MYZAP: variants seen among roughly 807,000 people sequenced by gnomAD.
The protein encoded by MYZAP is GRINL1A complex locus upstream.
A neutral mutation model predicts 69.4 loss-of-function variants in MYZAP; 66 were observed. The ratio of observed to expected loss-of-function variants is 0.95; its 90% confidence interval spans 0.78 to 1.17. The LOEUF is 1.17. MYZAP is among the 50% of genes most tolerant of loss of function. The pLI, the probability that MYZAP is intolerant of heterozygous loss-of-function variation, is 0.00. For missense variants in MYZAP, 611 were observed against 556.2 expected (o/e 1.10, Z -0.99); for synonymous variants, 256 against 205.9 (o/e 1.24, Z -2.09).
In MYZAP at chr15:57,684,074, G is replaced by A. The variant is rs189626561; in HGVS notation, c.1305-328G>A. On this transcript the variant is annotated intron_variant, in intron 12 of 12. Transcript: ENST00000267853. The stretch of plus-strand genomic sequence containing the variant: ...CTTCCAAAGTGCTGGGATTACAGGC[G>A]TGAGCCACCACGCTGGGCCTGGGGC... Among the ~76,000 whole-genome samples the A allele has an allele frequency of 7.5e-3, 1,147 of 152,198 alleles. 10 individuals are homozygous for A. Among genetic ancestry groups the A allele is most frequent in the South Asian group, 0.049 (238 of 4,822 alleles).
intron 10 of MYZAP, among the ~76,000 whole-genome samples, chr15:57,648,784 G>GT (rs34784139): frequency 0.01 from 1,408 of 136,276 alleles, 10 homozygotes; most frequent in East Asian, 9.2e-3. Flanking sequence ...ACTTGTTTCT[G>GT]TTTTTTTTTT....
chr15:57,670,809 T>C (rs1432968609), intron 11 of MYZAP, among the ~76,000 whole-genome samples: 2 of 152,122 alleles, frequency 1.3e-5, no homozygotes, highest in East Asian at 1.9e-4. Flanking sequence ...GTAGTATACA[T>C]CATTAGCTGT....
chr15:57,658,843 A>C (rs2038136777), intron 10 of MYZAP, among the ~76,000 whole-genome samples: 1 of 152,214 alleles, frequency 6.6e-6, no homozygotes, highest in African/African-American at 2.4e-5. Flanking sequence ...TGGATGCTTG[A>C]AGCCATTATT....
intron 10 of MYZAP, among the ~76,000 whole-genome samples, chr15:57,641,593 G>C (rs1431984188): frequency 6.6e-6 from 1 of 152,278 alleles, no homozygotes; most frequent in African/African-American, 2.4e-5. Context: ...GATGCCATCA[G>C]AGTTAGCACC....
At chr15:57,629,922 C>G in intron 6 of MYZAP, 68 bp downstream of exon 6, 4 of 1,544,242 alleles carry the variant, frequency 2.6e-6, no homozygotes, top group African/African-American at 1.4e-5. Flanking sequence ...CTTTTCTCTT[C>G]CCATCTTCAA....
chr15:57,597,743 A>G (rs2034154668), intron 1 of MYZAP, among the ~76,000 whole-genome samples: 2 of 152,222 alleles, frequency 1.3e-5, no homozygotes, highest in African/African-American at 4.8e-5. Context: ...CTCTCTACAG[A>G]AAAAGTTCGC....
At chr15:57,625,286 C>A (rs2036062493) in intron 4 of MYZAP, among the ~76,000 whole-genome samples, 1 of 152,154 alleles carries the variant, frequency 6.6e-6, no homozygotes, top group South Asian at 2.1e-4. Flanking sequence ...GTTGGCCAGG[C>A]TGGTCTCGAA....
chr15:57,639,850 G>T (rs1211353887), intron 10 of MYZAP, among the ~76,000 whole-genome samples: 2 of 152,174 alleles, frequency 1.3e-5, no homozygotes, highest in Non-Finnish European at 2.9e-5. Flanking sequence ...ACAGCTCAGG[G>T]GACCCAAGGG....
At chr15:57,609,529 G>A (rs1280213221) in intron 2 of MYZAP, among the ~76,000 whole-genome samples, 1 of 152,168 alleles carries the variant, frequency 6.6e-6, no homozygotes, top group Non-Finnish European at 1.5e-5. Flanking sequence ...GGCCCAGTCT[G>A]ATGGCTTTCT....
At chr15:57,681,882 G>A (rs966801643) in intron 12 of MYZAP, among the ~76,000 whole-genome samples, 1 of 152,148 alleles carries the variant, frequency 6.6e-6, no homozygotes. Context: ...TCTCCTGGGG[G>A]AGACATGCAA....
chr15:57,665,642 T>A (rs1311730543), intron 11 of MYZAP, among the ~76,000 whole-genome samples: 1 of 152,204 alleles, frequency 6.6e-6, no homozygotes, highest in Non-Finnish European at 1.5e-5. Flanking sequence ...CAGGACTGCA[T>A]GACATATCCA....
At chr15:57,670,113 G>A (rs911074228) in intron 11 of MYZAP, among the ~76,000 whole-genome samples, 10 of 152,002 alleles carry the variant, frequency 6.6e-5, no homozygotes, top group Admixed American at 3.9e-4. Flanking sequence ...ACAAATACCA[G>A]TTGGGTTTAG....
At chr15:57,599,845 G>A in intron 1 of MYZAP, 1 of 529,842 alleles carries the variant, frequency 1.9e-6, no homozygotes, top group Non-Finnish European at 3.3e-6. Flanking sequence ...CTTCTGTTAG[G>A]GATTCAGAGT....
intron 1 of MYZAP, among the ~76,000 whole-genome samples, chr15:57,596,691 C>T (rs1188788990): frequency 2.0e-5 from 3 of 152,200 alleles, no homozygotes; most frequent in African/African-American, 7.2e-5. Flanking sequence ...AGCATCCAGG[C>T]CCTCTGGTTT....
At chr15:57,599,438 A>AGTATGCTG (rs368231549) in intron 1 of MYZAP, 169 of 1,152,988 alleles carry the variant, frequency 1.5e-4, no homozygotes, top group African/African-American at 1.3e-3. Flanking sequence ...TGAGTAATAA[A>AGTATGCTG]GTATGCTGAG....
intron 4 of MYZAP, 64 bp from the exon 5 acceptor site, chr15:57,625,715 A>G: frequency 6.8e-7 from 1 of 1,477,044 alleles, no homozygotes; most frequent in Non-Finnish European, 9.5e-7. Flanking sequence ...GTTCCAGCCT[A>G]ACTGAAGATT....
intron 2 of MYZAP, among the ~76,000 whole-genome samples, chr15:57,617,513 C>G (rs2035542824): frequency 6.6e-6 from 1 of 152,146 alleles, no homozygotes; most frequent in East Asian, 1.9e-4. Flanking sequence ...AGAAATATTT[C>G]ATGAATGGTC....
chr15:57,601,045 C>T (rs932503757), intron 1 of MYZAP, among the ~76,000 whole-genome samples: 2 of 152,106 alleles, frequency 1.3e-5, no homozygotes, highest in African/African-American at 4.8e-5. Flanking sequence ...CACTGCACTC[C>T]AGCCTGGGCG....
chr15:57,593,262 G>A (rs2033842883), intron 1 of MYZAP, among the ~76,000 whole-genome samples: 1 of 151,404 alleles, frequency 6.6e-6, no homozygotes, highest in African/African-American at 2.4e-5. Context: ...CAGAACTCCA[G>A]TTGTCCAATC....
Sources: gnomAD v4.1 joint callset for allele counts (sites outside exome capture counted in the v4.1 genomes callset) on GRCh38, gnomAD v4.1.1 for gene constraint, MANE v1.5 for transcripts, NCBI Gene and HGNC (gene_info 2026-07-23, HGNC 2026-07-21) for gene names.